PGM2L1: variants seen among roughly 807,000 people sequenced by gnomAD.
PGM2L1 encodes the protein glucose 1,6-bisphosphate synthase.
In PGM2L1, 35 loss-of-function variants were observed where a neutral mutation model predicts 73.4. The ratio of observed to expected loss-of-function variants is 0.48; its 90% CI spans 0.36 to 0.63. The LOEUF (loss-of-function observed/expected upper bound fraction) is 0.63, where lower values mean the gene tolerates loss of function less well. Among genes scored for constraint, PGM2L1 ranks in the 30% least tolerant of loss-of-function variants. The pLI is 0.00. For synonymous variants in PGM2L1, 225 were observed against 253.8 expected, an observed-to-expected ratio of 0.89 and a Z score of 1.08; for missense variants, 570 against 742.0, an observed-to-expected ratio of 0.77 and a Z score of 2.69.
Position 74,347,086 on chromosome 11 carries a change from T to G in PGM2L1, c.939+62A>C. ...TTGTAAGTAATCTTTGAATTGTCAA[T>G]GAGTTCTATCTATTCTGATGGTTTA... On this transcript the variant is annotated intron_variant, in intron 7 of 13. Transcript: ENST00000298198. 5.5e-6 allele frequency: 7 copies of G among 1,279,158 alleles called. 1 individual carries two copies. Among genetic ancestry groups the G allele is most frequent in the Non-Finnish European group, 7.4e-6 (7 of 952,366 alleles). The allele number at this position is 1,279,158 out of a possible 1,614,324, so 79.2% of individuals were successfully genotyped here.
intron 1 of PGM2L1, among the ~76,000 whole-genome samples, chr11:74,383,824 A>AATATATATATATATAT (rs377358856): frequency 0.05 from 6,095 of 121,490 alleles, 226 homozygotes; most frequent in Middle Eastern, 0.093. Flanking sequence ...TATATAAATA[A>AATATATATATATATAT]ATATATATAT....
intron 1 of PGM2L1, among the ~76,000 whole-genome samples, chr11:74,377,138 CT>C (rs34347042): frequency 1.6e-3 from 222 of 142,538 alleles, no homozygotes; most frequent in Admixed American, 2.7e-3. Flanking sequence ...ATTATTATTT[CT>C]TTTTTTTTTT....
rs1320512161 is a variant in PGM2L1, at chr11:74,347,222, G to C, written c.865C>G (p.Pro289Ala). 1.2e-6 allele frequency: 2 copies of C among 1,612,504 alleles called. No homozygotes were observed. Among genetic ancestry groups the C allele is most frequent in the Non-Finnish European group, 1.7e-6 (2 of 1,179,264 alleles). ...TCTGGATCAGGATCTTTTTGTTCTG[G>C]TACTGGAATTGGAGGCTTAAAACCA... ...VFGFKPPIPVPEQKDPDPDFS... is the reference protein window; with the variant it reads ...VFGFKPPIPVAEQKDPDPDFS... The change falls in exon 7 of 14, where the codon CCA becomes GCA. Residue 289 changes from proline to alanine, a missense_variant. Transcript: ENST00000298198.
intron 5 of PGM2L1, among the ~76,000 whole-genome samples, chr11:74,364,470 C>A (rs78609788): frequency 1.3e-5 from 2 of 152,036 alleles, no homozygotes; most frequent in African/African-American, 4.8e-5. Context: ...AAAACCCCAT[C>A]GTCTCAGCCA....
intron 5 of PGM2L1, among the ~76,000 whole-genome samples, chr11:74,366,876 T>A (rs577635984): frequency 6.6e-6 from 1 of 152,140 alleles, no homozygotes; most frequent in Admixed American, 6.5e-5. Flanking sequence ...AGCAGGAAAG[T>A]TCATATTCTA....
intron 1 of PGM2L1, among the ~76,000 whole-genome samples, chr11:74,389,796 G>C (rs1372993265): frequency 2.0e-5 from 3 of 149,872 alleles, no homozygotes; most frequent in Non-Finnish European, 4.4e-5. Context: ...GGTTTCTAAC[G>C]GCCTTGTAGA....
intron 9 of PGM2L1, among the ~76,000 whole-genome samples, chr11:74,344,728 T>C (rs1862236117): frequency 6.6e-6 from 1 of 152,226 alleles, no homozygotes. Context: ...TAGGAAAACA[T>C]CAGAATCTTA....
At chr11:74,372,539 T>A (rs1335312151) in intron 2 of PGM2L1, among the ~76,000 whole-genome samples, 1 of 152,222 alleles carries the variant, frequency 6.6e-6, no homozygotes, top group African/African-American at 2.4e-5. Flanking sequence ...TTTTATATTA[T>A]TACAGTCCTT....
chr11:74,374,215 C>T (rs572831369), intron 2 of PGM2L1, among the ~76,000 whole-genome samples, 200 bp downstream of exon 2: 3 of 152,248 alleles, frequency 2.0e-5, no homozygotes, highest in African/African-American at 7.2e-5. Context: ...TCCCGGGTAG[C>T]TGGGACTACA....
At chr11:74,378,643 C>G (rs984869828) in intron 1 of PGM2L1, among the ~76,000 whole-genome samples, 1 of 152,158 alleles carries the variant, frequency 6.6e-6, no homozygotes, top group African/African-American at 2.4e-5. Flanking sequence ...CTATGGTTTG[C>G]TTCAACTTTA....
intron 8 of PGM2L1, among the ~76,000 whole-genome samples, chr11:74,346,070 G>A (rs926781115): frequency 4.0e-5 from 6 of 151,808 alleles, no homozygotes; most frequent in African/African-American, 1.5e-4. Flanking sequence ...TTCGAGACCA[G>A]CCTGACCAAC....
In PGM2L1 at chr11:74,335,109, T is replaced by G. The variant is rs553695155; in HGVS notation, c.*1543A>C. 6.6e-6 allele frequency: 1 copy of G among 150,888 alleles called. No individual in the cohort carries two copies. The highest frequency in any genetic ancestry group is 6.6e-5 in the Admixed American group (1 of 15,118). 9.3% of individuals were successfully genotyped at this position (150,888 alleles called of 1,614,324 possible). The stretch of plus-strand genomic sequence containing the variant: ...TATTAAACCTTTTCAGAAGACTGCA[T>G]GATTAGCCAAAAGTGACTTTTTTTT... On this transcript the variant is annotated 3_prime_UTR_variant, in exon 14 of 14. Coordinates refer to ENST00000298198, the MANE Select transcript of PGM2L1 (RefSeq NM_173582.6).
At chr11:74,385,776 A>G (rs1478608546) in intron 1 of PGM2L1, among the ~76,000 whole-genome samples, 2 of 152,168 alleles carry the variant, frequency 1.3e-5, no homozygotes, top group African/African-American at 4.8e-5. Flanking sequence ...AAAGGAAACA[A>G]TAATATGCTT....
At chr11:74,338,355 T>C in intron 13 of PGM2L1, 113 bp downstream of exon 13, 6 of 1,018,184 alleles carry the variant, frequency 5.9e-6, no homozygotes, top group Non-Finnish European at 6.7e-6. Context: ...TGCACAACTT[T>C]GAACATACTA....
intron 13 of PGM2L1, 79 bp downstream of exon 13, chr11:74,338,389 A>T (rs1862129609): frequency 7.8e-7 from 1 of 1,277,942 alleles, no homozygotes; most frequent in Admixed American, 2.3e-5. Flanking sequence ...TGTACATTTT[A>T]AGTGCGTGAG....
intron 1 of PGM2L1, among the ~76,000 whole-genome samples, chr11:74,387,623 T>G (rs1863036055): frequency 6.6e-6 from 1 of 152,202 alleles, no homozygotes; most frequent in Non-Finnish European, 1.5e-5. Flanking sequence ...CCATTTTAAA[T>G]TTTTGCCCCA....
chr11:74,359,739 G>A lies in PGM2L1; in HGVS notation c.556-8163C>T, dbSNP rs753310928. Among the ~76,000 whole-genome samples, 28 of 151,650 alleles carry A rather than the reference G, an allele frequency of 1.8e-4. 1 individual carries two copies. The highest frequency in any genetic ancestry group is 2.9e-4 in the Non-Finnish European group (20 of 68,012). ...AAAAAGATGGAGAAGTGACAAACAC[G>A]TATATATTTATATATGTGTGGACTA... is the stretch of plus-strand genomic sequence containing the variant. On this transcript the variant is annotated intron_variant, in intron 5 of 13. Coordinates refer to ENST00000298198, the MANE Select transcript of PGM2L1 (RefSeq NM_173582.6).
At chr11:74,388,136 T>C (rs950823269) in intron 1 of PGM2L1, among the ~76,000 whole-genome samples, 1 of 152,208 alleles carries the variant, frequency 6.6e-6, no homozygotes, top group Non-Finnish European at 1.5e-5. Flanking sequence ...GGAATGATGG[T>C]TGCCAGATGC....
At chr11:74,397,031 G>C (rs1863187423) in intron 1 of PGM2L1, among the ~76,000 whole-genome samples, 1 of 152,020 alleles carries the variant, frequency 6.6e-6, no homozygotes, top group Non-Finnish European at 1.5e-5. Context: ...ATATTTTTTT[G>C]CTGAATGAAT....
Sources: allele counts gnomAD v4.1 joint callset (sites outside exome capture counted in the v4.1 genomes callset), GRCh38; gene constraint gnomAD v4.1.1; transcripts MANE v1.5; gene names NCBI Gene and HGNC (gene_info 2026-07-23, HGNC 2026-07-21).